Variants in VTI1B observed in about 807,000 individuals in gnomAD.
VTI1B encodes vesicle transport through interaction with t-SNAREs homolog 1B.
Under a neutral mutation model 28.6 loss-of-function variants are expected in VTI1B, and 18 were observed. The observed-to-expected ratio is 0.63, with a 90% CI of 0.43 to 0.93. VTI1B has a LOEUF of 0.93. Among genes scored for constraint, VTI1B ranks in the 40% least tolerant of loss-of-function variants. VTI1B has a pLI of 0.00. For missense variants in VTI1B, 283 were observed against 297.0 expected (o/e 0.95, Z 0.35); for synonymous variants, 100 against 107.9 (o/e 0.93, Z 0.46).
At chr14:67,657,186 A>G (rs1482016067) in intron 3 of VTI1B, 1 of 152,216 alleles carries the variant, frequency 6.6e-6, no homozygotes, top group African/African-American at 2.4e-5. Context: ...GAGATCAGGC[A>G]GGTTCAGAGT....
chr14:67,672,447 CTT>C (rs764198286), intron 1 of VTI1B, among the ~76,000 whole-genome samples: 19 of 116,810 alleles, frequency 1.6e-4, no homozygotes, highest in Admixed American at 2.8e-4. Context: ...CTTTTCTTTT[CTT>C]TTTTTTTTTT....
chr14:67,654,814 G>A (rs548246624), intron 4 of VTI1B, among the ~76,000 whole-genome samples: 1 of 152,104 alleles, frequency 6.6e-6, no homozygotes, highest in African/African-American at 2.4e-5. Context: ...CAGATCATGA[G>A]GTTAAGAGAT....
intron 3 of VTI1B, chr14:67,657,291 G>A (rs2037270953): frequency 6.6e-6 from 1 of 152,072 alleles, no homozygotes; most frequent in Admixed American, 6.5e-5. Context: ...AAACGTATGT[G>A]GTTACCCTCT....
rs1312705074 is a variant in VTI1B, at chr14:67,649,220, A to G, written c.*2165T>C. 6.6e-6 allele frequency: 1 copy of G among 152,028 alleles called. No individual in the cohort carries two copies. The highest frequency in any genetic ancestry group is 2.4e-5 in the African/African-American group (1 of 41,368). The allele number at this position is 152,028 out of a possible 1,614,324, so 9.4% of individuals were successfully genotyped here. A position where few individuals can be genotyped will look rare whatever the true frequency, so the allele number is the denominator to read the frequency against. On this transcript the variant is annotated 3_prime_UTR_variant, in exon 6 of 6. Transcript: ENST00000554659. Reference sequence around the variant, plus strand: ...CTTTGTTCCTATGCTACAATATTTTACTCCAAAAGACACTCATGGGGCTAG... The same window carrying G: ...CTTTGTTCCTATGCTACAATATTTTGCTCCAAAAGACACTCATGGGGCTAG...
At chr14:67,668,953 G>GA (rs908498111) in intron 1 of VTI1B, among the ~76,000 whole-genome samples, 12 of 149,890 alleles carry the variant, frequency 8.0e-5, no homozygotes, top group East Asian at 1.9e-4. Flanking sequence ...AAGTACTCTG[G>GA]AAAAAAAAAG....
intron 1 of VTI1B, among the ~76,000 whole-genome samples, chr14:67,668,346 T>C (rs2037427031): frequency 1.3e-5 from 2 of 152,216 alleles, no homozygotes. Flanking sequence ...AAATATTAAA[T>C]GGATTAATAA....
Position 67,650,323 on chromosome 14 carries a change from T to C in VTI1B, c.*1062A>G, listed in dbSNP as rs2037156289. The C allele has an allele frequency of 4.0e-6, 1 of 247,624 alleles. No individual in the cohort carries two copies. The highest frequency in any genetic ancestry group is 7.9e-6 in the Non-Finnish European group (1 of 126,928). 15.3% of individuals were successfully genotyped at this position (247,624 alleles called of 1,614,324 possible). A position where few individuals can be genotyped will look rare whatever the true frequency, so the allele number is the denominator to read the frequency against. Reference sequence around the variant, plus strand: ...GATTTCCTCTGCCTTCATACTTGATTCATTTCCAGGCAGGCATCTGGAAGG... The same window carrying C: ...GATTTCCTCTGCCTTCATACTTGATCCATTTCCAGGCAGGCATCTGGAAGG... On this transcript the variant is annotated 3_prime_UTR_variant, in exon 6 of 6. Transcript: ENST00000554659.
At position 67,649,483 on chromosome 14, in the gene VTI1B, G is replaced by A. The variant is rs2037144437; in HGVS notation, c.*1902C>T. 2 of 151,952 alleles carry A rather than the reference G, an allele frequency of 1.3e-5. No individual in the cohort carries two copies. The highest frequency in any genetic ancestry group is 4.2e-4 in the South Asian group (2 of 4,812). 9.4% of individuals were successfully genotyped at this position (151,952 alleles called of 1,614,324 possible). On this transcript the variant is annotated 3_prime_UTR_variant, in exon 6 of 6. Coordinates refer to ENST00000554659, the MANE Select transcript of VTI1B (RefSeq NM_006370.3). ...ATAAAGCAGTTTGCTTAATTTATAGGGTGGCAATAGTCTGGAAACATAAGT... is the reference window on the plus strand; with the variant it reads ...ATAAAGCAGTTTGCTTAATTTATAGAGTGGCAATAGTCTGGAAACATAAGT...
intron 1 of VTI1B, among the ~76,000 whole-genome samples, chr14:67,672,690 G>A (rs892763738): frequency 4.6e-5 from 7 of 151,632 alleles, no homozygotes; most frequent in South Asian, 4.2e-4. Flanking sequence ...TGATCCGCCC[G>A]CCTCGGCTTC....
At position 67,659,936 on chromosome 14, in the gene VTI1B, A is replaced by C. The variant is rs1245743919; in HGVS notation, c.175-14T>G. Reference sequence around the variant, plus strand: ...CATCTCTGCCAGCTGGGAAGGCAGAAAGTAGTGAGCAGATAGCCTGGTTCT... The same window carrying C: ...CATCTCTGCCAGCTGGGAAGGCAGACAGTAGTGAGCAGATAGCCTGGTTCT... On this transcript the variant is annotated splice_polypyrimidine_tract_variant and intron_variant, in intron 2 of 5. Coordinates refer to ENST00000554659, the MANE Select transcript of VTI1B (RefSeq NM_006370.3). 1 of 1,610,812 alleles carries C rather than the reference A, an allele frequency of 6.2e-7. No homozygotes were observed. Among genetic ancestry groups the C allele is most frequent in the East Asian group, 2.2e-5 (1 of 44,826 alleles).
At chr14:67,651,999 G>A (rs1439031699) in intron 5 of VTI1B, among the ~76,000 whole-genome samples, 1 of 152,132 alleles carries the variant, frequency 6.6e-6, no homozygotes, top group African/African-American at 2.4e-5. Flanking sequence ...CCAACCTCTG[G>A]TTCTCATGTT....
At chr14:67,653,922 G>GT (rs1434787430) in intron 4 of VTI1B, among the ~76,000 whole-genome samples, 1 of 152,232 alleles carries the variant, frequency 6.6e-6, no homozygotes, top group South Asian at 2.1e-4. Flanking sequence ...TTGGGATCTG[G>GT]TTTTTTTCTT....
intron 5 of VTI1B, 149 bp from the exon 6 acceptor site, chr14:67,651,630 C>A: frequency 1.3e-6 from 1 of 775,654 alleles, no homozygotes; most frequent in African/African-American, 1.8e-5. Flanking sequence ...TCATAAGGTT[C>A]TTTAGCTGTC....
intron 2 of VTI1B, among the ~76,000 whole-genome samples, chr14:67,662,156 AAAAC>A (rs1216713018): frequency 2.0e-5 from 3 of 151,804 alleles, no homozygotes; most frequent in East Asian, 3.9e-4. Flanking sequence ...ACTCTGTCTC[AAAAC>A]AAACAACAAC....
chr14:67,670,483 C>G (rs1304221922), intron 1 of VTI1B, among the ~76,000 whole-genome samples: 5 of 152,146 alleles, frequency 3.3e-5, no homozygotes, highest in Non-Finnish European at 7.3e-5. Context: ...CCCCCTCTTC[C>G]CCATGCTCAA....
intron 5 of VTI1B, 139 bp downstream of exon 5, chr14:67,653,298 G>A: frequency 1.6e-6 from 1 of 628,770 alleles, no homozygotes; most frequent in East Asian, 2.7e-5. Flanking sequence ...ATTCTGGTCT[G>A]CTGGGTGGTA....
In VTI1B at chr14:67,647,791, A is replaced by G. The variant is rs539191345; in HGVS notation, c.*3594T>C. 21 of 454,464 alleles carry G rather than the reference A, an allele frequency of 4.6e-5. No individual in the cohort carries two copies. The highest frequency in any genetic ancestry group is 7.1e-5 in the Non-Finnish European group (18 of 253,570). The allele number at this position is 454,464 out of a possible 1,614,324, so 28.2% of individuals were successfully genotyped here. On this transcript the variant is annotated 3_prime_UTR_variant, in exon 6 of 6. Transcript: ENST00000554659. ...TTCTAATACCCAGTGTAAGGCAGAA[A>G]TATACATTGGAGTTAGTCTGTCTGA...
At position 67,651,460 on chromosome 14, in the gene VTI1B, C is replaced by G. The variant is rs1188752697; in HGVS notation, c.624G>C (p.Leu208=). 5 of 1,613,738 alleles carry G rather than the reference C, an allele frequency of 3.1e-6. No homozygotes were observed. Among genetic ancestry groups the G allele is most frequent in the Non-Finnish European group, 4.2e-6 (5 of 1,179,780 alleles). ...MSRKVTTNKL[L]LSIIILLELA... The stretch of plus-strand genomic sequence containing the variant: ...GCTCCAGTAAGATGATAATGGAAAG[C>G]AGCAGCTTGTTGGTTGTCACTCTAC... The change falls in exon 6 of 6, where the codon CTG becomes CTC. Residue 208 remains leucine (L), a synonymous_variant. Transcript: ENST00000554659.
chr14:67,670,749 C>A (rs1208057159), intron 1 of VTI1B, among the ~76,000 whole-genome samples: 1 of 152,066 alleles, frequency 6.6e-6, no homozygotes, highest in Non-Finnish European at 1.5e-5. Flanking sequence ...GGATGGTCTC[C>A]ATCCGTGACC....
Sources: allele counts gnomAD v4.1 joint callset (sites outside exome capture counted in the v4.1 genomes callset), GRCh38; gene constraint gnomAD v4.1.1; transcripts MANE v1.5; gene names NCBI Gene and HGNC (gene_info 2026-07-23, HGNC 2026-07-21).